The following LRFN2 variants were observed in gnomAD, a reference collection of about 807,000 sequenced individuals.
LRFN2 encodes the protein leucine-rich repeat and fibronectin type-III domain-containing protein 2.
In LRFN2, 18 loss-of-function variants were observed where a neutral mutation model predicts 37.3. That is an observed-to-expected ratio of 0.48 (90% CI 0.33 to 0.72). The LOEUF (loss-of-function observed/expected upper bound fraction) is 0.72. Among genes scored for constraint, LRFN2 ranks in the 30% least tolerant of loss-of-function variants. LRFN2 has a pLI of 0.02. For synonymous variants in LRFN2, 556 were observed against 466.6 expected (o/e 1.19, Z -2.47); for missense variants, 1,006 against 1,060.7 (o/e 0.95, Z 0.72).
At chr6:40,429,100 G>A (rs1581697737) in intron 2 of LRFN2, among the ~76,000 whole-genome samples, 1 of 152,192 alleles carries the variant, frequency 6.6e-6, no homozygotes. Context: ...CCAGCCCTGA[G>A]AAGTCACCAT....
chr6:40,414,018 G>A (rs192446748), intron 2 of LRFN2, among the ~76,000 whole-genome samples: 9 of 152,276 alleles, frequency 5.9e-5, no homozygotes, highest in East Asian at 1.9e-4. Context: ...ACTCCAAGAC[G>A]CTCGTCTCAC....
At chr6:40,419,836 C>T (rs1763179753) in intron 2 of LRFN2, among the ~76,000 whole-genome samples, 1 of 152,294 alleles carries the variant, frequency 6.6e-6, no homozygotes, top group South Asian at 2.1e-4. Flanking sequence ...TCCTCTCAAG[C>T]CAGGCAGTTA....
chr6:40,435,086 G>GAGAGAGAT (rs1734459278), intron 1 of LRFN2, among the ~76,000 whole-genome samples: 1 of 131,740 alleles, frequency 7.6e-6, no homozygotes, highest in South Asian at 2.4e-4. Context: ...GAGAGAGAGA[G>GAGAGAGAT]AGAGACAGAG....
intron 2 of LRFN2, among the ~76,000 whole-genome samples, chr6:40,429,158 A>G (rs1057505916): frequency 3.3e-5 from 5 of 152,120 alleles, no homozygotes; most frequent in Middle Eastern, 3.4e-3. Context: ...TTTCCATTTA[A>G]TTTACATTAT....
chr6:40,546,557 T>C (rs1018559149), intron 1 of LRFN2, among the ~76,000 whole-genome samples: 3 of 152,150 alleles, frequency 2.0e-5, no homozygotes, highest in African/African-American at 4.8e-5. Flanking sequence ...CTTAACCAAC[T>C]CTCATGAATC....
chr6:40,398,079 G>A (rs1391325553), intron 2 of LRFN2, among the ~76,000 whole-genome samples: 4 of 151,918 alleles, frequency 2.6e-5, no homozygotes, highest in East Asian at 1.9e-4. Context: ...ATAGCTTGAG[G>A]AGCCCTGGGC....
chr6:40,418,903 C>A (rs1295847789), intron 2 of LRFN2, among the ~76,000 whole-genome samples: 1 of 152,230 alleles, frequency 6.6e-6, no homozygotes, highest in East Asian at 1.9e-4. Context: ...CCTCTTCCAA[C>A]CTCTGCATTC....
intron 1 of LRFN2, among the ~76,000 whole-genome samples, chr6:40,543,461 A>G (rs568155681): frequency 2.6e-5 from 4 of 152,034 alleles, no homozygotes; most frequent in Admixed American, 1.3e-4. Context: ...TCCCCACTCC[A>G]ACTTCTTCCT....
At chr6:40,400,421 C>CTTTTTTT (rs34460828) in intron 2 of LRFN2, among the ~76,000 whole-genome samples, 2 of 128,680 alleles carry the variant, frequency 1.6e-5, no homozygotes, top group Non-Finnish European at 1.6e-5. Context: ...GGTACTTTTC[C>CTTTTTTT]TTTTTTTTTT....
intron 1 of LRFN2, among the ~76,000 whole-genome samples, chr6:40,479,225 C>T (rs1292502310): frequency 6.6e-6 from 1 of 152,220 alleles, no homozygotes; most frequent in East Asian, 1.9e-4. Context: ...CCATCATCTT[C>T]ATCACAATTA....
rs76632434 is a variant in LRFN2, at chr6:40,509,884, G to A, written c.-18-76753C>T. Among the ~76,000 whole-genome samples, 581 of 147,292 alleles carry A rather than the reference G, an allele frequency of 3.9e-3. 4 individuals are homozygous for A. The highest frequency in any genetic ancestry group is 0.013 in the African/African-American group (516 of 39,696). ...AGTATGCCAGGGAACACTGGGCTGC[G>A]TAGGTAGTGGGGGTGAGTGCATGCA... is the stretch of plus-strand genomic sequence containing the variant. On this transcript the variant is annotated intron_variant, in intron 1 of 2. Coordinates refer to ENST00000338305, the MANE Select transcript of LRFN2 (RefSeq NM_020737.3).
chr6:40,443,461 C>A (rs1049687576), intron 1 of LRFN2, among the ~76,000 whole-genome samples: 1 of 152,196 alleles, frequency 6.6e-6, no homozygotes, highest in Non-Finnish European at 1.5e-5. Context: ...AGGACTTCCA[C>A]GGCCTTTGAG....
intron 1 of LRFN2, among the ~76,000 whole-genome samples, chr6:40,544,496 G>A (rs962711445): frequency 1.3e-5 from 2 of 152,108 alleles, no homozygotes; most frequent in Admixed American, 6.5e-5. Flanking sequence ...ACCCTGGCTG[G>A]GTACTTGAGC....
chr6:40,456,250 G>C (rs1425091332), intron 1 of LRFN2, among the ~76,000 whole-genome samples: 1 of 152,242 alleles, frequency 6.6e-6, no homozygotes, highest in Non-Finnish European at 1.5e-5. Flanking sequence ...TTTAAGCCAA[G>C]TTCCTGCTAA....
chr6:40,514,396 C>A (rs1581766888), intron 1 of LRFN2, among the ~76,000 whole-genome samples: 1 of 152,172 alleles, frequency 6.6e-6, no homozygotes, highest in African/African-American at 2.4e-5. Context: ...CTCTCCGCAA[C>A]CTCTGCCTCT....
At chr6:40,401,314 G>A (rs1416403922) in intron 2 of LRFN2, among the ~76,000 whole-genome samples, 6 of 152,144 alleles carry the variant, frequency 3.9e-5, no homozygotes, top group African/African-American at 1.2e-4. Flanking sequence ...GGATGTGGAG[G>A]ATGTCATCTG....
Position 40,587,241 on chromosome 6 carries a change from T to A in LRFN2, c.-319A>T. The A allele has an allele frequency of 6.6e-6, 1 of 152,178 alleles. No individual in the cohort carries two copies. Among genetic ancestry groups the A allele is most frequent in the East Asian group, 1.9e-4 (1 of 5,196 alleles). The allele number at this position is 152,178 out of a possible 1,614,324, so 9.4% of individuals were successfully genotyped here. On this transcript the variant is annotated 5_prime_UTR_variant, in exon 1 of 3. Transcript: ENST00000338305. This position sits in a 1 kb window ranked among gnomAD's most constrained non-coding sequence, Gnocchi z 4.2. ...TAATAATAATCCCTCCCTAGGAGGA[T>A]GCCGGTAGGATTTTCCGGATCGAAG...
chr6:40,585,712 C>T lies in LRFN2; in HGVS notation c.-19+1229G>A, dbSNP rs1767488342. ...CAGCCCAGGGAATGGCAGTTTCCTC[C>T]CTAGCTTTGCTCCTCCCCAGCAGCA... On this transcript the variant is annotated intron_variant, in intron 1 of 2. Coordinates refer to ENST00000338305, the MANE Select transcript of LRFN2 (RefSeq NM_020737.3). 2.0e-5 allele frequency among the ~76,000 whole-genome samples: 3 copies of T among 152,152 alleles called. No individual in the cohort carries two copies. In the South Asian group the frequency reaches 6.2e-4, roughly 32 times the overall value.
At chr6:40,397,009 T>A (rs1266555035) in intron 2 of LRFN2, among the ~76,000 whole-genome samples, 1 of 152,194 alleles carries the variant, frequency 6.6e-6, no homozygotes, top group Non-Finnish European at 1.5e-5. Flanking sequence ...GGGGGAATGA[T>A]GGGGCTGAGA....
Sources: allele counts gnomAD v4.1 joint callset (sites outside exome capture counted in the v4.1 genomes callset), GRCh38; gene constraint gnomAD v4.1.1; non-coding constraint Gnocchi (gnomAD v3.1); transcripts MANE v1.5; gene names NCBI Gene and HGNC (gene_info 2026-07-23, HGNC 2026-07-21).